Variants in DLGAP2 observed in about 807,000 individuals in gnomAD.
DLGAP2 encodes DLG associated protein 2, also known as disks large-associated protein 2.
Under a neutral mutation model 100.3 loss-of-function variants are expected in DLGAP2, and 26 were observed. The ratio of observed to expected loss-of-function variants is 0.26; its 90% confidence interval spans 0.19 to 0.36. The LOEUF (loss-of-function observed/expected upper bound fraction) is 0.36. Ranked by LOEUF, DLGAP2 falls within the 10% of genes least tolerant of loss-of-function variation. The pLI, the probability that DLGAP2 is intolerant of heterozygous loss-of-function variation, is 1.00. For synonymous variants in DLGAP2, 886 were observed against 630.1 expected, an observed-to-expected ratio of 1.41 and a Z score of -6.08; for missense variants, 1,858 against 1,453.2, an observed-to-expected ratio of 1.28 and a Z score of -4.53.
intron 10 of DLGAP2, among the ~76,000 whole-genome samples, chr8:1,673,747 A>G (rs548815452): frequency 3.7e-4 from 57 of 152,218 alleles, no homozygotes; most frequent in Non-Finnish European, 7.9e-4. Context: ...AACAAAATTT[A>G]AAAGAGTTTC....
chr8:922,869 G>C lies in DLGAP2; in HGVS notation c.73+14903G>C, dbSNP rs940842379. Among the ~76,000 whole-genome samples the C allele has an allele frequency of 3.3e-5, 5 of 152,160 alleles. 1 individual carries two copies. The highest frequency in any genetic ancestry group is 1.2e-4 in the African/African-American group (5 of 41,420). ...TGGGGTTAATGTGCAGGCATCTTAA[G>C]CACTGATGCACAAATAATGAAAGAA... is the stretch of plus-strand genomic sequence containing the variant. On this transcript the variant is annotated intron_variant, in intron 2 of 14. Transcript: ENST00000637795.
At chr8:1,009,631 T>C (rs796745967) in intron 2 of DLGAP2, among the ~76,000 whole-genome samples, 15 of 152,330 alleles carry the variant, frequency 9.8e-5, no homozygotes, top group African/African-American at 3.6e-4. Context: ...GCAGAGTCCA[T>C]TACCTGGACT....
At chr8:1,446,474 A>T (rs1156422351) in intron 3 of DLGAP2, among the ~76,000 whole-genome samples, 1 of 152,160 alleles carries the variant, frequency 6.6e-6, no homozygotes, top group African/African-American at 2.4e-5. Flanking sequence ...TACCAGTACC[A>T]TGCTGTTTTG....
intron 3 of DLGAP2, among the ~76,000 whole-genome samples, chr8:1,360,850 C>T (rs978790248): frequency 3.9e-5 from 6 of 152,220 alleles, no homozygotes; most frequent in East Asian, 3.9e-4. Context: ...CTGCACACGA[C>T]GGTGAGATCC....
chr8:1,669,365 C>G lies in DLGAP2; in HGVS notation c.2161-378C>G, dbSNP rs554612790. Among the ~76,000 whole-genome samples the G allele has an allele frequency of 2.0e-5, 3 of 152,370 alleles. No individual in the cohort carries two copies. The East Asian group carries it at 5.8e-4, about 29-fold the overall frequency. The stretch of plus-strand genomic sequence containing the variant: ...GCTCCTGCCCACGCTGCACCTCCCT[C>G]TGCAAGTCTGTTTTAGGTGCAGTGT... On this transcript the variant is annotated intron_variant, in intron 9 of 14. Transcript: ENST00000637795.
At chr8:1,672,731 G>A (rs932457960) in intron 10 of DLGAP2, among the ~76,000 whole-genome samples, 1 of 152,090 alleles carries the variant, frequency 6.6e-6, no homozygotes, top group Non-Finnish European at 1.5e-5. Context: ...CCTCATGGCT[G>A]CCCCAGAGCT....
At chr8:842,218 T>C (rs1000306539) in intron 1 of DLGAP2, among the ~76,000 whole-genome samples, 7 of 152,216 alleles carry the variant, frequency 4.6e-5, no homozygotes, top group African/African-American at 1.4e-4. Flanking sequence ...CTGGAGTTTG[T>C]TGTCTAGAAC....
intron 4 of DLGAP2, among the ~76,000 whole-genome samples, chr8:1,517,804 G>A (rs940345991): frequency 2.2e-4 from 34 of 152,220 alleles, no homozygotes; most frequent in African/African-American, 7.0e-4. Context: ...GATCACAAAT[G>A]TGTGTTTATT....
chr8:757,662 G>A (rs927114446), intron 1 of DLGAP2, among the ~76,000 whole-genome samples: 3 of 152,192 alleles, frequency 2.0e-5, no homozygotes, highest in Admixed American at 6.5e-5. Context: ...GGGATCGTAC[G>A]GGACCATATC....
At chr8:1,037,052 G>T (rs1428825016) in intron 2 of DLGAP2, among the ~76,000 whole-genome samples, 1 of 152,124 alleles carries the variant, frequency 6.6e-6, no homozygotes, top group African/African-American at 2.4e-5. Context: ...AGATGGAGGA[G>T]CTCCCTCATG....
At chr8:1,135,871 C>A (rs909969791) in intron 2 of DLGAP2, among the ~76,000 whole-genome samples, 1 of 152,122 alleles carries the variant, frequency 6.6e-6, no homozygotes. Context: ...CAGGAATCAT[C>A]GCAGGGAAGG....
chr8:1,277,375 A>G (rs1799719359), intron 3 of DLGAP2, among the ~76,000 whole-genome samples: 1 of 152,180 alleles, frequency 6.6e-6, no homozygotes, highest in Admixed American at 6.5e-5. Context: ...TAGACTAAGC[A>G]CTAAGGATGC....
At chr8:1,648,322 A>C (rs1235679690) in intron 8 of DLGAP2, among the ~76,000 whole-genome samples, 2 of 152,352 alleles carry the variant, frequency 1.3e-5, no homozygotes, top group South Asian at 4.1e-4. Context: ...GCACCCATGC[A>C]TCCTTATCAG....
intron 2 of DLGAP2, among the ~76,000 whole-genome samples, chr8:1,232,875 C>T (rs781538502): frequency 9.9e-5 from 15 of 152,192 alleles, no homozygotes; most frequent in Non-Finnish European, 1.6e-4. Flanking sequence ...GTTGTGCAGC[C>T]ATCGCCATAA....
intron 1 of DLGAP2, among the ~76,000 whole-genome samples, chr8:866,125 C>A (rs981224985): frequency 6.6e-6 from 1 of 152,100 alleles, no homozygotes; most frequent in African/African-American, 2.4e-5. Context: ...GCAGAGTCCT[C>A]TGCTCTGTGT....
intron 3 of DLGAP2, among the ~76,000 whole-genome samples, chr8:1,275,421 C>T (rs866884342): frequency 4.6e-5 from 7 of 151,036 alleles, no homozygotes; most frequent in South Asian, 2.1e-4. Flanking sequence ...TCACATACAT[C>T]ACATTTACCA....
At chr8:1,061,645 G>A (rs537777463) in intron 2 of DLGAP2, among the ~76,000 whole-genome samples, 12 of 152,194 alleles carry the variant, frequency 7.9e-5, no homozygotes, top group African/African-American at 2.6e-4. Flanking sequence ...CACAGAGAGC[G>A]AGCGTCCCTG....
In DLGAP2 at chr8:1,701,508, C is replaced by A. The variant is rs1799569905; in HGVS notation, c.*102C>A. On this transcript the variant is annotated 3_prime_UTR_variant, in exon 15 of 15. Coordinates refer to ENST00000637795, the MANE Select transcript of DLGAP2 (RefSeq NM_001346810.2). The stretch of plus-strand genomic sequence containing the variant: ...TTCTGTCTCCTCCTCCCGCTGAACA[C>A]GTCCTCGCTCCCGCGCTCCCCGCGC... 3.2e-6 allele frequency: 4 copies of A among 1,240,534 alleles called. No homozygotes were observed. Among genetic ancestry groups the A allele is most frequent in the Non-Finnish European group, 4.4e-6 (4 of 914,114 alleles). 76.8% of individuals were successfully genotyped at this position (1,240,534 alleles called of 1,614,324 possible).
At chr8:1,178,564 A>C (rs529011819) in intron 2 of DLGAP2, among the ~76,000 whole-genome samples, 1 of 152,308 alleles carries the variant, frequency 6.6e-6, no homozygotes, top group East Asian at 1.9e-4. Context: ...GCACCTTTTT[A>C]GGCAAAGTTA....
Sources: allele counts gnomAD v4.1 joint callset (sites outside exome capture counted in the v4.1 genomes callset), GRCh38; gene constraint gnomAD v4.1.1; transcripts MANE v1.5; gene names NCBI Gene and HGNC (gene_info 2026-07-23, HGNC 2026-07-21).